DMXL1: variants seen among roughly 807,000 people sequenced by gnomAD.
DMXL1 encodes dmX-like protein 1.
Under a neutral mutation model 319.2 loss-of-function variants are expected in DMXL1, and 99 were observed. The ratio of observed to expected loss-of-function variants is 0.31; its 90% confidence interval spans 0.26 to 0.37. DMXL1 has a LOEUF of 0.37. Ranked by LOEUF, DMXL1 falls within the 10% of genes least tolerant of loss-of-function variation. The probability of loss-of-function intolerance (pLI) is 1.00; values close to 1 mark genes in which losing one functional copy is unlikely to be tolerated. For synonymous variants in DMXL1, 1,385 were observed against 1,235.2 expected (o/e 1.12, Z -2.54); for missense variants, 3,745 against 3,595.6 (o/e 1.04, Z -1.06).
intron 32 of DMXL1, among the ~76,000 whole-genome samples, chr5:119,199,672 C>T (rs1780328072): frequency 6.6e-6 from 1 of 152,190 alleles, no homozygotes. Flanking sequence ...AAGTAATTTA[C>T]ACTCCCACTG....
At chr5:119,210,588 G>A (rs1782583075) in intron 34 of DMXL1, among the ~76,000 whole-genome samples, 1 of 151,986 alleles carries the variant, frequency 6.6e-6, no homozygotes, top group Admixed American at 6.6e-5. Context: ...AAAATCAGTT[G>A]ACACAGATGA....
rs1458526337 is a variant in DMXL1, at chr5:119,090,729, A to AT, written c.88-7241dup. Among the ~76,000 whole-genome samples, 8 of 149,624 alleles carry AT rather than the reference A, an allele frequency of 5.3e-5. No individual in the cohort carries two copies. The South Asian group carries it at 6.4e-4, about 12-fold the overall frequency. ...CGGCGCCTGCTACCATGCCTGGCTA[A>AT]TTTTTTTTTGTATTTTTAGTAGAGA... On this transcript the variant is annotated intron_variant, in intron 1 of 43. Coordinates refer to ENST00000539542, the MANE Select transcript of DMXL1 (RefSeq NM_001290321.3).
intron 3 of DMXL1, among the ~76,000 whole-genome samples, chr5:119,103,335 T>G (rs1757667848): frequency 6.6e-6 from 1 of 152,244 alleles, no homozygotes. Context: ...CCTTTATATA[T>G]CTTTTGATAG....
intron 40 of DMXL1, among the ~76,000 whole-genome samples, chr5:119,238,678 G>C (rs549092088): frequency 1.3e-5 from 2 of 152,140 alleles, no homozygotes; most frequent in South Asian, 4.1e-4. Flanking sequence ...GATTCATAAC[G>C]GGTCATGATA....
intron 1 of DMXL1, among the ~76,000 whole-genome samples, chr5:119,077,293 G>T (rs1399706990): frequency 6.7e-6 from 1 of 150,318 alleles, no homozygotes; most frequent in African/African-American, 2.5e-5. Context: ...TTTGACAGAA[G>T]CAGCTGGTGA....
chr5:119,224,910 G>A (rs1272999064), intron 38 of DMXL1, 141 bp downstream of exon 38: 3 of 368,472 alleles, frequency 8.1e-6, no homozygotes, highest in Non-Finnish European at 1.0e-5. Flanking sequence ...ATATTTGCCA[G>A]TAAATAAAAT....
rs370326391 is a variant in DMXL1, at chr5:119,170,270, C to G, written c.5479C>G (p.His1827Asp). 6.2e-7 allele frequency: 1 copy of G among 1,613,752 alleles called. No individual in the cohort carries two copies. The highest frequency in any genetic ancestry group is 1.1e-5 in the South Asian group (1 of 91,044). The change falls in exon 24 of 44, where the codon CAT becomes GAT. Residue 1827 changes from histidine (H) to aspartate (D), a missense_variant. Around this residue, in one of 4 missense-constraint regions of DMXL1, gnomAD observed 1,382 missense variants for 1,269.5 expected, o/e 1.09. Transcript: ENST00000539542. ...LRTHPLLLRR[H>D]FGSSDTFSTH... is the part of the protein sequence containing the mutation. The stretch of plus-strand genomic sequence containing the variant: ...AACACATCCTCTTTTGCTGAGACGT[C>G]ATTTTGGATCATCTGATACATTTTC...
chr5:119,121,173 A>G lies in DMXL1; in HGVS notation c.1102+34A>G, dbSNP rs771327879. 5.3e-6 allele frequency: 8 copies of G among 1,507,128 alleles called. No homozygotes were observed. In the African/African-American group the frequency reaches 9.7e-5, roughly 18 times the overall value. The allele number at this position is 1,507,128 out of a possible 1,614,324, so 93.4% of individuals were successfully genotyped here. On this transcript the variant is annotated intron_variant, in intron 9 of 43. Transcript: ENST00000539542. Reference sequence around the variant, plus strand: ...ACATTGTTCAAAACATGTTTCTGAAATTGAATAGATTGATTTTATAACAAC... The same window carrying G: ...ACATTGTTCAAAACATGTTTCTGAAGTTGAATAGATTGATTTTATAACAAC...
rs2150136164 is a variant in DMXL1, at chr5:119,149,149, T to G, written c.3322T>G (p.Ser1108Ala). The G allele has an allele frequency of 6.2e-7, 1 of 1,613,958 alleles. No individual in the cohort carries two copies. The highest frequency in any genetic ancestry group is 2.2e-5 in the East Asian group (1 of 44,872). Residue 1108 changes from serine (S) to alanine (A), a missense_variant, in exon 18 of 44, where the codon TCT (serine) becomes GCT (alanine). Around this residue, in one of 4 missense-constraint regions of DMXL1, gnomAD observed 2,096 missense variants for 1,985.4 expected, o/e 1.06. Transcript: ENST00000539542. ...HLDELSTVLD[S>A]GISVDSNLVA... ...AGATGAGTTAAGCACAGTATTGGAT[T>G]CTGGCATTAGTGTTGATAGCAATTT...
chr5:119,132,933 T>A, intron 10 of DMXL1, 199 bp from the exon 11 acceptor site: 1 of 615,026 alleles, frequency 1.6e-6, no homozygotes, highest in South Asian at 2.0e-5. Flanking sequence ...TTACATTTAC[T>A]GGTTTACTTA....
At chr5:119,216,570 A>G (rs1003524270) in intron 34 of DMXL1, among the ~76,000 whole-genome samples, 1 of 152,198 alleles carries the variant, frequency 6.6e-6, no homozygotes, top group Non-Finnish European at 1.5e-5. Context: ...TTATAATGCT[A>G]GGAAACTTGG....
chr5:119,196,515 GTTTTTTT>G, intron 31 of DMXL1, 59 bp downstream of exon 31: 12 of 559,896 alleles, frequency 2.1e-5, no homozygotes, highest in Non-Finnish European at 2.3e-5. Flanking sequence ...CTACTCTGTT[GTTTTTTT>G]TTTTTTTTTT....
intron 9 of DMXL1, among the ~76,000 whole-genome samples, chr5:119,123,025 A>C (rs1482853892): frequency 5.9e-5 from 9 of 152,262 alleles, no homozygotes; most frequent in Non-Finnish European, 1.2e-4. Context: ...TTGAGCACTG[A>C]GTGAACAAGA....
chr5:119,151,624 A>G (rs1161925337), intron 18 of DMXL1, among the ~76,000 whole-genome samples: 2 of 152,294 alleles, frequency 1.3e-5, no homozygotes, highest in South Asian at 2.1e-4. Context: ...AATACTGTAC[A>G]TGTGCCACAG....
intron 9 of DMXL1, chr5:119,128,157 T>A: frequency 2.0e-6 from 1 of 495,340 alleles, no homozygotes. Flanking sequence ...CTTCTTTGAT[T>A]AAAACTTTGC....
chr5:119,072,416 A>G (rs1030741036), intron 1 of DMXL1, among the ~76,000 whole-genome samples: 2 of 152,320 alleles, frequency 1.3e-5, no homozygotes, highest in Admixed American at 1.3e-4. Context: ...TGATACTTTT[A>G]TCTACATAAA....
At chr5:119,178,312 T>C in intron 28 of DMXL1, 68 bp downstream of exon 28, 1 of 1,501,080 alleles carries the variant, frequency 6.7e-7, no homozygotes, top group Admixed American at 2.0e-5. Context: ...TCAAACGTAA[T>C]TACATTTTAA....
intron 18 of DMXL1, 80 bp from the exon 19 acceptor site, chr5:119,151,849 A>T: frequency 1.2e-6 from 1 of 802,646 alleles, no homozygotes; most frequent in Non-Finnish European, 2.1e-6. Context: ...TCAGGTTAAG[A>T]ATGTTATATG....
chr5:119,123,694 C>G (rs1202486408), intron 9 of DMXL1, among the ~76,000 whole-genome samples: 8 of 151,470 alleles, frequency 5.3e-5, no homozygotes, highest in Admixed American at 5.3e-4. Context: ...TGGAGTCTCA[C>G]TGTTTTGCCC....
Sources: allele counts gnomAD v4.1 joint callset (sites outside exome capture counted in the v4.1 genomes callset), GRCh38; gene constraint gnomAD v4.1.1; regional missense constraint gnomAD v4.1.1; transcripts MANE v1.5; gene names NCBI Gene and HGNC (gene_info 2026-07-23, HGNC 2026-07-21).